Variants in OPRM1 observed in about 807,000 individuals in gnomAD.
The protein encoded by OPRM1 is mu-type opioid receptor.
A neutral mutation model predicts 31.8 loss-of-function variants in OPRM1; 27 were observed. That is an observed-to-expected ratio of 0.85 (90% CI 0.63 to 1.17). OPRM1 has a LOEUF of 1.17. OPRM1 is among the 50% of genes most tolerant of loss of function. The pLI is 0.00. For missense variants in OPRM1, 536 were observed against 511.1 expected, an observed-to-expected ratio of 1.05 and a Z score of -0.47; for synonymous variants, 196 against 189.9, an observed-to-expected ratio of 1.03 and a Z score of -0.26.
chr6:154,218,615 T>C (rs188507700), intron 3 of OPRM1, among the ~76,000 whole-genome samples: 12 of 152,340 alleles, frequency 7.9e-5, no homozygotes, highest in Admixed American at 2.0e-4. Context: ...AAGTTCTTCA[T>C]GTGTTATTGC....
chr6:154,183,793 G>A (rs924388480), intron 3 of OPRM1, among the ~76,000 whole-genome samples: 1 of 152,062 alleles, frequency 6.6e-6, no homozygotes, highest in Non-Finnish European at 1.5e-5. Flanking sequence ...GGGAGGCTGA[G>A]GTGGGAGAAT....
Position 154,089,973 on chromosome 6 carries a change from C to T in OPRM1, c.438C>T (p.Ile146=). The T allele has an allele frequency of 2.5e-6, 4 of 1,614,038 alleles. No homozygotes were observed. The highest frequency in any genetic ancestry group is 3.4e-6 in the Non-Finnish European group (4 of 1,179,912). The change falls in exon 2 of 4, where the codon ATC becomes ATT. Residue 146 remains isoleucine, a synonymous_variant. Coordinates refer to ENST00000330432, the MANE Select transcript of OPRM1 (RefSeq NM_000914.5). ...GAACCATCCTTTGCAAGATAGTGAT[C>T]TCCATAGATTACTATAACATGTTCA... ...PFGTILCKIV[I]SIDYYNMFTS... is the part of the protein sequence containing the mutation.
chr6:154,033,314 CAGAG>C (rs1335825935), intron 1 of OPRM1, among the ~76,000 whole-genome samples: 2 of 152,084 alleles, frequency 1.3e-5, no homozygotes, highest in African/African-American at 2.4e-5. Context: ...CTGTGAAAAA[CAGAG>C]AGAAAGTTGA....
At chr6:154,015,860 A>T (rs1467093011) in intron 1 of OPRM1, among the ~76,000 whole-genome samples, 3 of 152,090 alleles carry the variant, frequency 2.0e-5, no homozygotes, top group Non-Finnish European at 4.4e-5. Flanking sequence ...ACTCTGAGAG[A>T]TGGTCAACCT....
At chr6:154,183,341 T>G (rs1300738200) in intron 3 of OPRM1, among the ~76,000 whole-genome samples, 1 of 152,218 alleles carries the variant, frequency 6.6e-6, no homozygotes, top group East Asian at 1.9e-4. Flanking sequence ...TCTACTGCAA[T>G]CTATGTACTT....
chr6:154,118,796 T>G lies in OPRM1; in HGVS notation c.*75T>G, dbSNP rs1426761672. 1 of 1,593,086 alleles carries G rather than the reference T, an allele frequency of 6.3e-7. No homozygotes were observed. Among genetic ancestry groups the G allele is most frequent in the Non-Finnish European group, 8.5e-7 (1 of 1,173,286 alleles). ...ATGTGGAAGCAGGTTGCTTCAAGAATGTGTAGGAGGCTCTAATTCTCTAGG... is the reference window on the plus strand; with the variant it reads ...ATGTGGAAGCAGGTTGCTTCAAGAAGGTGTAGGAGGCTCTAATTCTCTAGG... On this transcript the variant is annotated 3_prime_UTR_variant, in exon 4 of 4. Transcript: ENST00000330432.
chr6:154,224,844 A>G (rs1779133325), intron 3 of OPRM1, among the ~76,000 whole-genome samples: 1 of 152,218 alleles, frequency 6.6e-6, no homozygotes, highest in Non-Finnish European at 1.5e-5. Context: ...TATTATATAT[A>G]TGCAGCTTCT....
intron 3 of OPRM1, among the ~76,000 whole-genome samples, chr6:154,233,525 A>G (rs1213541435): frequency 1.3e-5 from 2 of 151,930 alleles, no homozygotes; most frequent in African/African-American, 4.8e-5. Flanking sequence ...TAGATATTCT[A>G]CATAGACAAC....
chr6:154,175,453 G>C (rs565926114), intron 3 of OPRM1, among the ~76,000 whole-genome samples: 100 of 148,338 alleles, frequency 6.7e-4, no homozygotes, highest in Non-Finnish European at 1.2e-3. Flanking sequence ...GAAGAAAGAA[G>C]AATCAAATAG....
At chr6:154,144,908 T>C (rs73023340) in intron 3 of OPRM1, among the ~76,000 whole-genome samples, 16,000 of 151,906 alleles carry the variant, frequency 0.11, 1,235 homozygotes, top group East Asian at 0.42. Context: ...TACATAAAAT[T>C]AATTTGACAA....
intron 3 of OPRM1, among the ~76,000 whole-genome samples, chr6:154,149,268 G>A (rs1489919000): frequency 6.6e-6 from 1 of 152,182 alleles, no homozygotes; most frequent in Admixed American, 6.5e-5. Flanking sequence ...GAGAAGTGCA[G>A]AGCAAAGGAG....
intron 3 of OPRM1, among the ~76,000 whole-genome samples, chr6:154,096,181 C>T (rs1399880701): frequency 6.6e-6 from 1 of 152,134 alleles, no homozygotes; most frequent in African/African-American, 2.4e-5. Context: ...CTCAGCCTCC[C>T]CAGTAGCTGG....
intron 1 of OPRM1, among the ~76,000 whole-genome samples, chr6:154,023,399 T>C (rs530574935): frequency 1.4e-4 from 21 of 152,330 alleles, no homozygotes; most frequent in African/African-American, 4.8e-4. Context: ...GTATGTTGAT[T>C]TTGTATCATG....
At chr6:154,235,617 C>A (rs554860567) in intron 3 of OPRM1, among the ~76,000 whole-genome samples, 12 of 151,788 alleles carry the variant, frequency 7.9e-5, no homozygotes, top group African/African-American at 2.7e-4. Context: ...TGCCTTCCTG[C>A]AATGTGAAGT....
In OPRM1 at chr6:154,011,134, C is replaced by T. The variant is rs567675643; in HGVS notation, c.-1+116C>T. On this transcript the variant is annotated intron_variant, in intron 1 of 5. Coordinates refer to the OPRM1 transcript ENST00000434900. ...TTAAATGCTATACATTCTACCTTGT[C>T]CCTGTGATGTAAGAGCAGGAAATAA... is the stretch of plus-strand genomic sequence containing the variant. The T allele has an allele frequency of 1.1e-4, 108 of 954,014 alleles. 4 individuals are homozygous for T. In the South Asian group the frequency reaches 1.5e-3, roughly 14 times the overall value. 59.1% of individuals were successfully genotyped at this position (954,014 alleles called of 1,614,324 possible). A position where few individuals can be genotyped will look rare whatever the true frequency, so the allele number is the denominator to read the frequency against.
At chr6:154,145,237 G>A (rs926689536) in intron 3 of OPRM1, among the ~76,000 whole-genome samples, 1 of 152,116 alleles carries the variant, frequency 6.6e-6, no homozygotes, top group Non-Finnish European at 1.5e-5. Context: ...GATTATCTTT[G>A]TAGAAAATCC....
rs182672607 is a variant in OPRM1, at chr6:154,053,419, A to G, written c.290+13585A>G. On this transcript the variant is annotated intron_variant, in intron 1 of 3. Coordinates refer to ENST00000330432, the MANE Select transcript of OPRM1 (RefSeq NM_000914.5). ...TCAAACATAAAAGCTCATTGCTTGG[A>G]TCTTTTTTCTTTTCTGTCTGACTTA... Among the ~76,000 whole-genome samples, 434 of 152,300 alleles carry G rather than the reference A, an allele frequency of 2.8e-3. 1 individual carries two copies. Among genetic ancestry groups the G allele is most frequent in the African/African-American group, 9.9e-3 (410 of 41,552 alleles).
chr6:154,227,356 T>C (rs1779339945), intron 3 of OPRM1, among the ~76,000 whole-genome samples: 1 of 152,202 alleles, frequency 6.6e-6, no homozygotes. Context: ...TCAAATGATA[T>C]AATACACAAA....
Position 154,121,076 on chromosome 6 carries a change from T to A in OPRM1, c.*2355T>A, listed in dbSNP as rs2128526587. Among the ~76,000 whole-genome samples, 1 of 152,306 alleles carries A rather than the reference T, an allele frequency of 6.6e-6. No homozygotes were observed. The highest frequency in any genetic ancestry group is 1.5e-5 in the Non-Finnish European group (1 of 68,010). On this transcript the variant is annotated 3_prime_UTR_variant, in exon 4 of 4. Coordinates refer to ENST00000330432, the MANE Select transcript of OPRM1 (RefSeq NM_000914.5). Reference sequence around the variant, plus strand: ...ACATTACAACCCTGACTCAACTGGATGGGCTAAGGTTTCTGATAAAATCTG... The same window carrying A: ...ACATTACAACCCTGACTCAACTGGAAGGGCTAAGGTTTCTGATAAAATCTG...
Sources: gnomAD v4.1 joint callset for allele counts (sites outside exome capture counted in the v4.1 genomes callset) on GRCh38, gnomAD v4.1.1 for gene constraint, MANE v1.5 for transcripts, NCBI Gene and HGNC (gene_info 2026-07-23, HGNC 2026-07-21) for gene names.